The following NTRK3 variants were observed in gnomAD, a reference collection of about 807,000 sequenced individuals.
The protein encoded by NTRK3 is neurotrophic receptor tyrosine kinase 3, also known as NT-3 growth factor receptor.
Under a neutral mutation model 91.7 loss-of-function variants are expected in NTRK3, and 24 were observed. The observed-to-expected ratio is 0.26, with a 90% confidence interval of 0.19 to 0.37. The LOEUF is 0.37. Ranked by LOEUF, NTRK3 falls within the 10% of genes least tolerant of loss-of-function variation. NTRK3 has a pLI of 1.00. For synonymous variants in NTRK3, 483 were observed against 404.0 expected (o/e 1.20, Z -2.34); for missense variants, 880 against 1,068.9 (o/e 0.82, Z 2.46).
chr15:88,047,702 G>C (rs574180669), intron 13 of NTRK3, among the ~76,000 whole-genome samples: 5 of 152,290 alleles, frequency 3.3e-5, no homozygotes, highest in Non-Finnish European at 5.9e-5. Flanking sequence ...TCAGTTCAGA[G>C]ATGTCTGGTT....
chr15:88,209,627 A>G (rs1441381217), intron 3 of NTRK3, among the ~76,000 whole-genome samples: 1 of 152,262 alleles, frequency 6.6e-6, no homozygotes, highest in East Asian at 1.9e-4. Context: ...TGTGAAGCCC[A>G]GGGTCAGAGC....
At chr15:88,126,496 T>A in intron 12 of NTRK3, 123 bp from the exon 13 acceptor site, 1 of 644,066 alleles carries the variant, frequency 1.6e-6, no homozygotes, top group Non-Finnish European at 2.8e-6. Context: ...TTCTCAGAAC[T>A]GCAATACTGA....
At chr15:88,211,807 C>G (rs954920663) in intron 3 of NTRK3, among the ~76,000 whole-genome samples, 17 of 152,184 alleles carry the variant, frequency 1.1e-4, no homozygotes, top group African/African-American at 4.1e-4. Flanking sequence ...AGCATAGATC[C>G]TTCTATAAAA....
chr15:88,015,958 T>C (rs2077207065), intron 14 of NTRK3, among the ~76,000 whole-genome samples: 1 of 151,534 alleles, frequency 6.6e-6, no homozygotes, highest in Non-Finnish European at 1.5e-5. Flanking sequence ...TAAAGGTCTA[T>C]GATAGGCTAC....
chr15:87,916,387 AGGAGTAGAGAGACGT>A (rs2067447126), intron 17 of NTRK3: 1 of 584,854 alleles, frequency 1.7e-6, no homozygotes, highest in Non-Finnish European at 3.1e-6. Flanking sequence ...GGCCCTCCAC[AGGAGTAGAGAGACGT>A]GAATGACTCA....
In NTRK3 at chr15:87,966,556, C is replaced by T. The variant is rs1031134057; in HGVS notation, c.1586-25803G>A. ...TTCCTCTAACCGTCCCACCCTGACA[C>T]TCTCGATGTTCCCACTGCCCCCACA... On this transcript the variant is annotated intron_variant, in intron 14 of 18. Coordinates refer to ENST00000394480, the Ensembl canonical transcript of NTRK3. Among the ~76,000 whole-genome samples the T allele has an allele frequency of 2.0e-5, 3 of 152,212 alleles. No homozygotes were observed. The South Asian group carries it at 6.2e-4, about 32-fold the overall frequency.
chr15:87,865,199 G>A (rs2064634193), exon 19 of NTRK3: 1 of 206,598 alleles, frequency 4.8e-6, no homozygotes, highest in Non-Finnish European at 9.9e-6. Flanking sequence ...AGAAAATCAT[G>A]TATAGCATTT....
At chr15:87,919,549 C>A (rs573184943) in intron 17 of NTRK3, among the ~76,000 whole-genome samples, 1 of 152,234 alleles carries the variant, frequency 6.6e-6, no homozygotes, top group Non-Finnish European at 1.5e-5. Context: ...CCAACATTAC[C>A]ACCATATTGA....
intron 14 of NTRK3, among the ~76,000 whole-genome samples, chr15:87,983,427 G>T (rs2074467674): frequency 6.6e-6 from 1 of 152,152 alleles, no homozygotes; most frequent in South Asian, 2.1e-4. Context: ...GGAGCAGGGA[G>T]CCCCGAGCAA....
At chr15:88,207,133 G>A (rs1028229568) in intron 3 of NTRK3, among the ~76,000 whole-genome samples, 1 of 152,176 alleles carries the variant, frequency 6.6e-6, no homozygotes, top group Non-Finnish European at 1.5e-5. Flanking sequence ...CCCAGCCCTC[G>A]GGCCAGGAGC....
At chr15:88,029,907 C>T (rs1366421053) in intron 14 of NTRK3, among the ~76,000 whole-genome samples, 1 of 152,168 alleles carries the variant, frequency 6.6e-6, no homozygotes, top group African/African-American at 2.4e-5. Context: ...TGGCCTGGGT[C>T]CCCTTTCACC....
intron 17 of NTRK3, among the ~76,000 whole-genome samples, chr15:87,901,093 G>A (rs900933252): frequency 1.3e-5 from 2 of 152,168 alleles, no homozygotes; most frequent in Admixed American, 1.3e-4. Flanking sequence ...TGGAGGAGCT[G>A]TACCTCCATG....
exon 19 of NTRK3, chr15:87,865,414 A>G (rs1406418430): frequency 4.7e-6 from 1 of 213,220 alleles, no homozygotes; most frequent in Admixed American, 5.9e-5. Context: ...CAAGGGTTTC[A>G]TTTTCATTCA....
intron 5 of NTRK3, among the ~76,000 whole-genome samples, chr15:88,180,358 A>T (rs1324732774): frequency 6.6e-6 from 1 of 152,176 alleles, no homozygotes; most frequent in African/African-American, 2.4e-5. Flanking sequence ...TCCATATCTC[A>T]TTTTCCGCAA....
At chr15:88,201,298 T>C (rs2048285717) in intron 3 of NTRK3, among the ~76,000 whole-genome samples, 1 of 152,196 alleles carries the variant, frequency 6.6e-6, no homozygotes, top group Non-Finnish European at 1.5e-5. Flanking sequence ...CTCACCAGCA[T>C]GCCATTGGTA....
At chr15:88,248,092 A>G (rs2053013635) in intron 3 of NTRK3, among the ~76,000 whole-genome samples, 1 of 152,154 alleles carries the variant, frequency 6.6e-6, no homozygotes, top group African/African-American at 2.4e-5. Flanking sequence ...AGTCCTGCTG[A>G]CCACGGCTCA....
At chr15:87,928,979 T>C (rs2068561888) in intron 17 of NTRK3, 6 of 644,308 alleles carry the variant, frequency 9.3e-6, no homozygotes, top group South Asian at 3.8e-5. Flanking sequence ...CAGTTAAATG[T>C]CCAAGAAGAA....
rs2053899242 is a variant in NTRK3, at chr15:88,255,232, G to A, written c.248+674C>T. Among the ~76,000 whole-genome samples, 1 of 152,178 alleles carries A rather than the reference G, an allele frequency of 6.6e-6. No homozygotes were observed. Among genetic ancestry groups the A allele is most frequent in the Non-Finnish European group, 1.5e-5 (1 of 68,044 alleles). On this transcript the variant is annotated intron_variant, in intron 3 of 18. Coordinates refer to ENST00000394480, the Ensembl canonical transcript of NTRK3. This position sits in a 1 kb window ranked among gnomAD's most constrained non-coding sequence, Gnocchi z 4.3. The stretch of plus-strand genomic sequence containing the variant: ...GATCTGTAGGCGCCCAGATGCAGAT[G>A]AGGGTGGCAAAGGGGTGTCTCGGAA...
chr15:87,872,458 G>A (rs775147249), exon 19 of NTRK3: 64 of 226,892 alleles, frequency 2.8e-4, no homozygotes, highest in Non-Finnish European at 4.6e-4. Context: ...TAAAAATCTT[G>A]TCGGTTTTGA....
Sources: allele counts gnomAD v4.1 joint callset (sites outside exome capture counted in the v4.1 genomes callset), GRCh38; gene constraint gnomAD v4.1.1; non-coding constraint Gnocchi (gnomAD v3.1); transcripts MANE v1.5; gene names NCBI Gene and HGNC (gene_info 2026-07-23, HGNC 2026-07-21).